The following DCHS2 variants were observed in gnomAD, a reference collection of about 807,000 sequenced individuals.
The protein encoded by DCHS2 is protocadherin-23.
In DCHS2, 142 loss-of-function variants were observed where a neutral mutation model predicts 182.4. The observed-to-expected ratio is 0.78, with a 90% CI of 0.68 to 0.89. The LOEUF is 0.89. DCHS2 is among the 40% of genes least tolerant of loss of function. DCHS2 has a pLI of 0.00. For missense variants in DCHS2, 4,319 were observed against 4,198.6 expected, an observed-to-expected ratio of 1.03 and a Z score of -0.79; for synonymous variants, 1,740 against 1,663.3, an observed-to-expected ratio of 1.05 and a Z score of -1.12.
At chr4:154,325,890 C>A (rs975922275) in intron 7 of DCHS2, among the ~76,000 whole-genome samples, 1 of 152,162 alleles carries the variant, frequency 6.6e-6, no homozygotes, top group Non-Finnish European at 1.5e-5. Context: ...CTGCTGTTTG[C>A]GTCAAATTCT....
intron 10 of DCHS2, 53 bp downstream of exon 10, chr4:154,315,695 A>G: frequency 6.3e-7 from 1 of 1,579,616 alleles, no homozygotes; most frequent in Non-Finnish European, 8.6e-7. Context: ...GTCAATTATA[A>G]TCTTCAATTT....
chr4:154,415,168 G>C (rs1325016392), intron 1 of DCHS2, among the ~76,000 whole-genome samples: 1 of 152,228 alleles, frequency 6.6e-6, no homozygotes, highest in African/African-American at 2.4e-5. Flanking sequence ...ATTAATAGAT[G>C]AGGGAACTAA....
intron 13 of DCHS2, among the ~76,000 whole-genome samples, chr4:154,276,346 A>G (rs1733853284): frequency 1.3e-5 from 2 of 152,284 alleles, no homozygotes; most frequent in Admixed American, 6.5e-5. Flanking sequence ...TTTCTTCTTT[A>G]CAAAAATAGA....
At chr4:154,379,266 T>C (rs940068762) in intron 1 of DCHS2, among the ~76,000 whole-genome samples, 2 of 152,160 alleles carry the variant, frequency 1.3e-5, no homozygotes, top group African/African-American at 2.4e-5. Flanking sequence ...AGGAGAGAGA[T>C]GGAAGAGGCA....
At chr4:154,469,110 C>T (rs778875663) in intron 1 of DCHS2, among the ~76,000 whole-genome samples, 4 of 151,954 alleles carry the variant, frequency 2.6e-5, no homozygotes, top group Non-Finnish European at 5.9e-5. Flanking sequence ...TTTATACTTG[C>T]TTGTATATGC....
At chr4:154,483,294 T>A (rs902794637) in intron 1 of DCHS2, among the ~76,000 whole-genome samples, 3 of 151,890 alleles carry the variant, frequency 2.0e-5, no homozygotes, top group Admixed American at 1.3e-4. Context: ...AAATCTAGAT[T>A]AAAAAATAAA....
chr4:154,276,275 A>G (rs1733849598), intron 13 of DCHS2, among the ~76,000 whole-genome samples: 1 of 152,162 alleles, frequency 6.6e-6, no homozygotes, highest in Admixed American at 6.6e-5. Flanking sequence ...AGCTTTTATA[A>G]ATTTTATTTC....
intron 1 of DCHS2, among the ~76,000 whole-genome samples, chr4:154,465,568 C>T (rs1254785083): frequency 6.6e-6 from 1 of 151,836 alleles, no homozygotes; most frequent in African/African-American, 2.4e-5. Flanking sequence ...ACCTGGGAGG[C>T]TGAGGTAGGA....
At chr4:154,312,285 A>T (rs899080555) in intron 10 of DCHS2, among the ~76,000 whole-genome samples, 1 of 152,222 alleles carries the variant, frequency 6.6e-6, no homozygotes, top group African/African-American at 2.4e-5. Context: ...CTTGAATCCT[A>T]TGGATCTCCT....
chr4:154,451,021 T>C (rs893279207), intron 1 of DCHS2, among the ~76,000 whole-genome samples: 6 of 152,134 alleles, frequency 3.9e-5, no homozygotes, highest in Non-Finnish European at 7.4e-5. Flanking sequence ...TATTTCCCAT[T>C]TGAGTGTGCT....
At chr4:154,459,734 T>TTCTCTCTCTCTCTCTC (rs60259256) in intron 1 of DCHS2, among the ~76,000 whole-genome samples, 6 of 135,262 alleles carry the variant, frequency 4.4e-5, no homozygotes, top group Admixed American at 1.4e-4. Flanking sequence ...TATCTACACA[T>TTCTCTCTCTCTCTCTC]TCTCTCTCTC....
intron 13 of DCHS2, among the ~76,000 whole-genome samples, chr4:154,276,176 G>A (rs1240657255): frequency 6.6e-6 from 1 of 152,156 alleles, no homozygotes; most frequent in East Asian, 1.9e-4. Flanking sequence ...TATCAAGGTA[G>A]AAAGGGTAAG....
chr4:154,356,918 A>T (rs1180986126), intron 3 of DCHS2, among the ~76,000 whole-genome samples: 1 of 152,136 alleles, frequency 6.6e-6, no homozygotes, highest in Non-Finnish European at 1.5e-5. Flanking sequence ...TTAAGTTTGG[A>T]GGAGCACAGG....
At chr4:154,279,614 C>G (rs941103151) in intron 13 of DCHS2, among the ~76,000 whole-genome samples, 11 of 151,948 alleles carry the variant, frequency 7.2e-5, no homozygotes, top group African/African-American at 2.6e-4. Flanking sequence ...GGAAATTAAA[C>G]AACACATTCT....
intron 1 of DCHS2, among the ~76,000 whole-genome samples, chr4:154,405,204 T>G (rs1398486342): frequency 6.6e-6 from 1 of 152,056 alleles, no homozygotes; most frequent in East Asian, 1.9e-4. Context: ...TGAGCTGAGA[T>G]CACGCCATTG....
intron 13 of DCHS2, among the ~76,000 whole-genome samples, chr4:154,294,472 C>T (rs1379728255): frequency 6.6e-6 from 1 of 152,138 alleles, no homozygotes; most frequent in Non-Finnish European, 1.5e-5. Context: ...ATGAGCCCCA[C>T]TCAGTATTTT....
intron 10 of DCHS2, among the ~76,000 whole-genome samples, chr4:154,310,838 C>G (rs777931502): frequency 6.6e-6 from 1 of 152,142 alleles, no homozygotes; most frequent in South Asian, 2.1e-4. Flanking sequence ...TAGCAAGTAA[C>G]TTAGATGTCT....
intron 13 of DCHS2, among the ~76,000 whole-genome samples, chr4:154,276,474 T>C (rs926217835): frequency 2.0e-5 from 3 of 152,216 alleles, no homozygotes; most frequent in African/African-American, 7.2e-5. Flanking sequence ...AAAGTAATTA[T>C]GAAAACATTG....
At chr4:154,373,449 T>G (rs984399297) in intron 2 of DCHS2, among the ~76,000 whole-genome samples, 5 of 152,214 alleles carry the variant, frequency 3.3e-5, no homozygotes, top group Admixed American at 6.5e-5. Flanking sequence ...ATATACATAC[T>G]ATATGTGTAT....
Sources: allele counts gnomAD v4.1 joint callset (sites outside exome capture counted in the v4.1 genomes callset), GRCh38; gene constraint gnomAD v4.1.1; transcripts MANE v1.5; gene names NCBI Gene and HGNC (gene_info 2026-07-23, HGNC 2026-07-21).